GHRH: variants seen among roughly 807,000 people sequenced by gnomAD.
GHRH encodes the protein growth hormone releasing hormone.
A neutral mutation model predicts 15.6 loss-of-function variants in GHRH; 7 were observed. That is an observed-to-expected ratio of 0.45 (90% CI 0.26 to 0.84). The LOEUF is 0.84. GHRH is among the 40% of genes least tolerant of loss of function. The probability of loss-of-function intolerance (pLI) is 0.18; values close to 1 mark genes in which losing one functional copy is unlikely to be tolerated. For synonymous variants in GHRH, 54 were observed against 50.4 expected, an observed-to-expected ratio of 1.07 and a Z score of -0.30; for missense variants, 117 against 138.0, an observed-to-expected ratio of 0.85 and a Z score of 0.76.
At chr20:37,256,953 T>C (rs564787415) in intron 1 of GHRH, 45 bp from the exon 2 acceptor site, 5 of 1,204,968 alleles carry the variant, frequency 4.1e-6, no homozygotes, top group South Asian at 3.9e-5. Flanking sequence ...CCACAGCCAT[T>C]GGGATGGCCT....
At chr20:37,254,367 G>A (rs1395999433) in intron 3 of GHRH, 38 bp from the exon 4 acceptor site, 1 of 1,613,008 alleles carries the variant, frequency 6.2e-7, no homozygotes. Context: ...TGCTATTTGG[G>A]TAGGATGTGG....
chr20:37,255,931 T>C (rs2068653246), intron 3 of GHRH, among the ~76,000 whole-genome samples: 1 of 151,886 alleles, frequency 6.6e-6, no homozygotes, highest in African/African-American at 2.4e-5. Flanking sequence ...TAGGCTAAGA[T>C]GGGAGGGTCG....
intron 1 of GHRH, 134 bp from the exon 2 acceptor site, chr20:37,257,042 A>C (rs1600873765): frequency 1.6e-6 from 1 of 642,702 alleles, no homozygotes. Flanking sequence ...GGGAAAAAGA[A>C]CCCAGACACT....
In GHRH at chr20:37,253,414, C is replaced by T. The variant is rs1040665823; in HGVS notation, c.308+796G>A. On this transcript the variant is annotated intron_variant, in intron 4 of 4. Coordinates refer to ENST00000373614, the MANE Select transcript of GHRH (RefSeq NM_021081.6). ...GCATGCCTGTCAGTTCACCTGCAGC[C>T]GAATCCTTGGGAACACCTGTTAAAA... 4.6e-5 allele frequency among the ~76,000 whole-genome samples: 7 copies of T among 152,182 alleles called. No individual in the cohort carries two copies. In the South Asian group the frequency reaches 6.2e-4, roughly 13 times the overall value.
At position 37,256,073 on chromosome 20, in the gene GHRH, C is replaced by G. The variant is rs80248481; in HGVS notation, c.188+321G>C. ...TAAGAATAATAGTAGCTGACACTAC[C>G]AAGGGCATCTGTGTGCCCAGCACTG... On this transcript the variant is annotated intron_variant, in intron 3 of 4. Coordinates refer to ENST00000373614, the MANE Select transcript of GHRH (RefSeq NM_021081.6). Among the ~76,000 whole-genome samples the G allele has an allele frequency of 5.2e-3, 786 of 152,262 alleles. 6 individuals are homozygous for G. The highest frequency in any genetic ancestry group is 0.018 in the African/African-American group (758 of 41,554).
At chr20:37,253,085 C>G (rs565712278) in intron 4 of GHRH, among the ~76,000 whole-genome samples, 2 of 152,306 alleles carry the variant, frequency 1.3e-5, no homozygotes. Context: ...TCCAAACAAC[C>G]ACGACATTTT....
intron 3 of GHRH, among the ~76,000 whole-genome samples, chr20:37,255,837 C>T (rs1229403082): frequency 6.6e-6 from 1 of 152,024 alleles, no homozygotes; most frequent in Non-Finnish European, 1.5e-5. Context: ...CGAGACCAGC[C>T]TGGGCAAAAT....
In GHRH at chr20:37,251,308, G is replaced by A. The variant is rs537854256; in HGVS notation, c.309-77C>T. 328 of 1,220,854 alleles carry A rather than the reference G, an allele frequency of 2.7e-4. 5 individuals are homozygous for A. The East Asian group carries it at 8.0e-3, about 30-fold the overall frequency. 75.6% of individuals were successfully genotyped at this position (1,220,854 alleles called of 1,614,324 possible). A position where few individuals can be genotyped will look rare whatever the true frequency, so the allele number is the denominator to read the frequency against. On this transcript the variant is annotated intron_variant, in intron 4 of 4. Coordinates refer to ENST00000373614, the MANE Select transcript of GHRH (RefSeq NM_021081.6). ...AGAGTGGGATGCATGGAACCAGGGTGACGGGTGCTCCCGTGACAGGAGCTG... is the reference window on the plus strand; with the variant it reads ...AGAGTGGGATGCATGGAACCAGGGTAACGGGTGCTCCCGTGACAGGAGCTG...
At position 37,258,937 on chromosome 20, in the gene GHRH, A is replaced by G. The variant is rs968659557; in HGVS notation, c.-19-2029T>C. On this transcript the variant is annotated intron_variant, in intron 1 of 4. Coordinates refer to ENST00000373614, the MANE Select transcript of GHRH (RefSeq NM_021081.6). This position sits in a 1 kb window ranked among gnomAD's most constrained non-coding sequence, Gnocchi z 4.1. ...AAATTTTTTGTAAAGATAAAGTCTC[A>G]CTATATTGCCGAGGCTGGTTTCAAA... Among the ~76,000 whole-genome samples the G allele has an allele frequency of 6.6e-6, 1 of 152,074 alleles. No individual in the cohort carries two copies. Among genetic ancestry groups the G allele is most frequent in the Admixed American group, 6.6e-5 (1 of 15,266 alleles).
chr20:37,255,487 C>G (rs1184814794), intron 3 of GHRH, among the ~76,000 whole-genome samples: 1 of 151,400 alleles, frequency 6.6e-6, no homozygotes, highest in Non-Finnish European at 1.5e-5. Context: ...GGTGAAACCC[C>G]GTCTCTACTA....
At chr20:37,253,429 A>G (rs886220260) in intron 4 of GHRH, among the ~76,000 whole-genome samples, 3 of 152,176 alleles carry the variant, frequency 2.0e-5, no homozygotes, top group African/African-American at 7.2e-5. Flanking sequence ...CCTTGGGAAC[A>G]CCTGTTAAAA....
chr20:37,253,785 C>G (rs1185622337), intron 4 of GHRH, among the ~76,000 whole-genome samples: 1 of 152,072 alleles, frequency 6.6e-6, no homozygotes, highest in African/African-American at 2.4e-5. Flanking sequence ...GAGTCTTGCT[C>G]TGTCACCCAG....
chr20:37,253,232 C>T (rs1006419333), intron 4 of GHRH, among the ~76,000 whole-genome samples: 2 of 152,186 alleles, frequency 1.3e-5, no homozygotes, highest in African/African-American at 4.8e-5. Flanking sequence ...TCTGTAGACT[C>T]CCAGGAGAAA....
chr20:37,258,134 C>T lies in GHRH; in HGVS notation c.-19-1226G>A, dbSNP rs148028891. On this transcript the variant is annotated intron_variant, in intron 1 of 4. Coordinates refer to ENST00000373614, the MANE Select transcript of GHRH (RefSeq NM_021081.6). This position sits in a 1 kb window ranked among gnomAD's most constrained non-coding sequence, Gnocchi z 4.1. ...GCCAGCAGGGGACAGAGCCCGCCTC[C>T]GCTGGGGCAAGTGCCACTGCTGTCA... 0.019 allele frequency among the ~76,000 whole-genome samples: 2,968 copies of T among 152,302 alleles called. 90 individuals carry two copies. The highest frequency in any genetic ancestry group is 0.068 in the African/African-American group (2,815 of 41,554).
intron 1 of GHRH, among the ~76,000 whole-genome samples, chr20:37,259,513 G>T (rs2068676478): frequency 6.6e-6 from 1 of 152,168 alleles, no homozygotes; most frequent in Non-Finnish European, 1.5e-5. Context: ...GATTCAGGCA[G>T]ATCTAGGTCC....
chr20:37,253,101 A>C (rs938782520), intron 4 of GHRH, among the ~76,000 whole-genome samples: 2 of 152,236 alleles, frequency 1.3e-5, no homozygotes, highest in African/African-American at 4.8e-5. Flanking sequence ...ATTTTTGGGA[A>C]ACTTTGCCCA....
chr20:37,259,312 C>A (rs936416156), intron 1 of GHRH, among the ~76,000 whole-genome samples: 5 of 152,160 alleles, frequency 3.3e-5, no homozygotes, highest in African/African-American at 1.2e-4. Flanking sequence ...AGGCTTCCGT[C>A]CTCCTCATCG....
intron 1 of GHRH, among the ~76,000 whole-genome samples, chr20:37,257,873 C>T (rs2068666350): frequency 1.3e-5 from 2 of 152,226 alleles, no homozygotes; most frequent in South Asian, 4.1e-4. Flanking sequence ...CTGTGTCTAC[C>T]TAAGACCAAC....
chr20:37,251,192 C>T lies in GHRH; in HGVS notation c.*21G>A. 1.0e-5 allele frequency: 16 copies of T among 1,587,306 alleles called. No individual in the cohort carries two copies. Among genetic ancestry groups the T allele is most frequent in the Non-Finnish European group, 1.4e-5 (16 of 1,164,052 alleles). ...CCAGTTGCATTTTGGCTACAGGTAG[C>T]CCGGGTCACAGGAGGAATCTTCATC... On this transcript the variant is annotated 3_prime_UTR_variant, in exon 5 of 5. Coordinates refer to ENST00000373614, the MANE Select transcript of GHRH (RefSeq NM_021081.6).
Sources: allele counts gnomAD v4.1 joint callset (sites outside exome capture counted in the v4.1 genomes callset), GRCh38; gene constraint gnomAD v4.1.1; non-coding constraint Gnocchi (gnomAD v3.1); transcripts MANE v1.5; gene names NCBI Gene and HGNC (gene_info 2026-07-23, HGNC 2026-07-21).